Variants in ARAP2 observed in about 807,000 individuals in gnomAD.
ARAP2 encodes the protein arf-GAP with Rho-GAP domain, ANK repeat and PH domain-containing protein 2.
ARAP2 carries 148 observed loss-of-function variants against 194.5 expected under a neutral mutation model. That is an observed-to-expected ratio of 0.76 (90% CI 0.67 to 0.87). ARAP2 has a LOEUF of 0.87. Ranked by LOEUF, ARAP2 falls within the 40% of genes least tolerant of loss-of-function variation. ARAP2 has a pLI of 0.00. For synonymous variants in ARAP2, 695 were observed against 683.5 expected (o/e 1.02, Z -0.26); for missense variants, 2,128 against 1,989.7 (o/e 1.07, Z -1.32).
intron 9 of ARAP2, among the ~76,000 whole-genome samples, chr4:36,010,645 G>C (rs1714325387): frequency 6.6e-6 from 1 of 152,112 alleles, no homozygotes; most frequent in Non-Finnish European, 1.5e-5. Context: ...AGGGACCTAA[G>C]TCTTTTTTCA....
chr4:36,191,911 T>C (rs2109911709), intron 7 of ARAP2, among the ~76,000 whole-genome samples: 1 of 152,286 alleles, frequency 6.6e-6, no homozygotes, highest in East Asian at 1.9e-4. Context: ...TACAGAGACA[T>C]GATTGGCGGC....
chr4:36,213,433 A>C (rs548589665), intron 3 of ARAP2, 114 bp from the exon 4 acceptor site: 27 of 718,208 alleles, frequency 3.8e-5, no homozygotes, highest in African/African-American at 3.1e-4. Context: ...CGTAAGCTTT[A>C]TTCTGTAAGA....
chr4:36,217,344 T>C (rs1748161329), intron 2 of ARAP2, among the ~76,000 whole-genome samples: 1 of 152,048 alleles, frequency 6.6e-6, no homozygotes. Context: ...AAACCCCATA[T>C]CTACTAAAAA....
At chr4:36,045,750 TTA>T (rs1483604245) in intron 5 of ARAP2, among the ~76,000 whole-genome samples, 1 of 152,174 alleles carries the variant, frequency 6.6e-6, no homozygotes, top group Non-Finnish European at 1.5e-5. Flanking sequence ...GATATGCTAA[TTA>T]GACTGATTTG....
intron 1 of ARAP2, among the ~76,000 whole-genome samples, chr4:36,060,032 G>C (rs1724160884): frequency 6.6e-6 from 1 of 152,116 alleles, no homozygotes; most frequent in Non-Finnish European, 1.5e-5. Context: ...TAGTAGAGGG[G>C]AAGATGAGAT....
At chr4:36,026,915 T>C (rs981110016) in intron 5 of ARAP2, among the ~76,000 whole-genome samples, 1 of 152,202 alleles carries the variant, frequency 6.6e-6, no homozygotes, top group Non-Finnish European at 1.5e-5. Flanking sequence ...TCTTCTACCA[T>C]TCTTCAGGTC....
In ARAP2 at chr4:36,187,432, G is replaced by C; in HGVS notation, c.1678+19C>G. The C allele has an allele frequency of 7.6e-7, 1 of 1,321,870 alleles. No individual in the cohort carries two copies. The highest frequency in any genetic ancestry group is 1.0e-6 in the Non-Finnish European group (1 of 974,660). 81.9% of individuals were successfully genotyped at this position (1,321,870 alleles called of 1,614,324 possible). A position where few individuals can be genotyped will look rare whatever the true frequency, so the allele number is the denominator to read the frequency against. On this transcript the variant is annotated intron_variant, in intron 8 of 32. Coordinates refer to ENST00000303965, the MANE Select transcript of ARAP2 (RefSeq NM_015230.4). ...GTCAGAAATTAATGTATTTCATATG[G>C]ATAAATAAATAATCTCACCTTCTTT...
At chr4:36,084,846 C>T (rs1730444730) in intron 28 of ARAP2, among the ~76,000 whole-genome samples, 1 of 151,818 alleles carries the variant, frequency 6.6e-6, no homozygotes, top group Non-Finnish European at 1.5e-5. Context: ...CTATTATTAT[C>T]ATAGTAGATA....
chr4:36,133,743 GA>G (rs1316906090), intron 19 of ARAP2, among the ~76,000 whole-genome samples: 1 of 151,656 alleles, frequency 6.6e-6, no homozygotes, highest in Non-Finnish European at 1.5e-5. Flanking sequence ...CTTAAAAAGA[GA>G]AAAAAACTAG....
intron 6 of ARAP2, among the ~76,000 whole-genome samples, chr4:36,208,864 C>T (rs1046663607): frequency 1.3e-5 from 2 of 151,784 alleles, no homozygotes; most frequent in Non-Finnish European, 2.9e-5. Context: ...ACAGAAAATG[C>T]AATTATTTCC....
intron 2 of ARAP2, among the ~76,000 whole-genome samples, chr4:36,219,903 C>A (rs1748781446): frequency 6.6e-6 from 1 of 152,106 alleles, no homozygotes; most frequent in Non-Finnish European, 1.5e-5. Context: ...TAAAAATATA[C>A]TCACTATAAG....
intron 5 of ARAP2, among the ~76,000 whole-genome samples, chr4:36,030,162 T>C (rs1718668793): frequency 1.3e-5 from 2 of 152,072 alleles, no homozygotes; most frequent in South Asian, 4.1e-4. Context: ...ACCATTATAC[T>C]TGAAAGACAG....
chr4:36,025,028 G>A (rs1717655857), intron 5 of ARAP2, among the ~76,000 whole-genome samples: 2 of 152,104 alleles, frequency 1.3e-5, no homozygotes, highest in Non-Finnish European at 1.5e-5. Flanking sequence ...CTTTAACTAT[G>A]AGAATTGTTC....
intron 2 of ARAP2, among the ~76,000 whole-genome samples, chr4:36,226,551 C>T (rs151261438): frequency 7.9e-5 from 12 of 151,406 alleles, no homozygotes; most frequent in Non-Finnish European, 7.4e-5. Context: ...CAACTTACTG[C>T]TCTTTTTGCA....
intron 1 of ARAP2, among the ~76,000 whole-genome samples, chr4:36,241,401 T>C (rs1459805782): frequency 6.6e-6 from 1 of 152,216 alleles, no homozygotes; most frequent in Non-Finnish European, 1.5e-5. Flanking sequence ...TGGACCATTT[T>C]TTAACATGTA....
In ARAP2 at chr4:36,147,304, T is replaced by A. The variant is rs1401268041; in HGVS notation, c.3255A>T (p.Glu1085Asp). 3.1e-6 allele frequency: 5 copies of A among 1,612,790 alleles called. No homozygotes were observed. The East Asian group carries it at 6.7e-5, about 22-fold the overall frequency. The change falls in exon 19 of 33, where the codon GAA (glutamate) becomes GAT (aspartate). Residue 1085 changes from glutamate (E) to aspartate (D), a missense_variant. Glu to Asp is a conservative substitution (Grantham distance 45, BLOSUM62 2). Coordinates refer to ENST00000303965, the MANE Select transcript of ARAP2 (RefSeq NM_015230.4). ...AGCAAAAAGGCACTTACCTCCCTTT[T>A]TCTACCAAGAGTAAAACATCCAGTT... ...GEKLDVLLLV[E>D]KGRTLYIHGH... is the part of the protein sequence containing the mutation.
At chr4:36,041,383 C>G (rs928645649) in intron 5 of ARAP2, among the ~76,000 whole-genome samples, 2 of 152,154 alleles carry the variant, frequency 1.3e-5, no homozygotes, top group Non-Finnish European at 2.9e-5. Context: ...TGAACAGACA[C>G]TTTTCAAAAG....
chr4:36,071,614 ATTC>A (rs990871104), intron 32 of ARAP2, among the ~76,000 whole-genome samples: 9 of 152,096 alleles, frequency 5.9e-5, no homozygotes, highest in Admixed American at 3.3e-4. Flanking sequence ...TTGAAAAATA[ATTC>A]TTCTTGAATA....
intron 6 of ARAP2, among the ~76,000 whole-genome samples, chr4:36,208,748 G>A (rs973618708): frequency 1.3e-5 from 2 of 151,738 alleles, no homozygotes. Flanking sequence ...TAATCACGTA[G>A]AAGTGTTTTA....
Sources: allele counts gnomAD v4.1 joint callset (sites outside exome capture counted in the v4.1 genomes callset), GRCh38; gene constraint gnomAD v4.1.1; transcripts MANE v1.5; gene names NCBI Gene and HGNC (gene_info 2026-07-23, HGNC 2026-07-21).